The following DOCK2 variants were observed in gnomAD, a reference collection of about 807,000 sequenced individuals.
The protein encoded by DOCK2 is dedicator of cytokinesis 2, also known as dedicator of cytokinesis protein 2.
Under a neutral mutation model 248.9 loss-of-function variants are expected in DOCK2, and 87 were observed. The ratio of observed to expected loss-of-function variants is 0.35; its 90% confidence interval spans 0.29 to 0.42. DOCK2 has a LOEUF of 0.42. Among genes scored for constraint, DOCK2 ranks in the 10% least tolerant of loss-of-function variants. The probability of loss-of-function intolerance (pLI) is 1.00; values close to 1 mark genes in which losing one functional copy is unlikely to be tolerated. For missense variants in DOCK2, 1,747 were observed against 2,300.2 expected (o/e 0.76, Z 4.92); for synonymous variants, 805 against 821.6 (o/e 0.98, Z 0.35).
chr5:169,981,492 C>T (rs991659406), intron 27 of DOCK2, among the ~76,000 whole-genome samples: 1 of 152,184 alleles, frequency 6.6e-6, no homozygotes, highest in Non-Finnish European at 1.5e-5. Context: ...ATTCGGAAAT[C>T]CAAGCAATAT....
chr5:169,654,202 A>G (rs771317886), intron 1 of DOCK2, among the ~76,000 whole-genome samples: 42 of 152,248 alleles, frequency 2.8e-4, no homozygotes, highest in Non-Finnish European at 4.3e-4. Flanking sequence ...GGAAAGGTCA[A>G]CTTTGGTTAA....
intron 35 of DOCK2, among the ~76,000 whole-genome samples, chr5:170,036,086 A>G (rs951863348): frequency 2.6e-5 from 4 of 152,100 alleles, no homozygotes; most frequent in African/African-American, 9.7e-5. Context: ...ATCTCTTACT[A>G]TTACCGAGGT....
At chr5:169,681,543 G>A (rs868027508) in intron 6 of DOCK2, among the ~76,000 whole-genome samples, 1 of 151,684 alleles carries the variant, frequency 6.6e-6, no homozygotes. Context: ...AAAATTGAAT[G>A]CACACTACTA....
At chr5:169,715,329 C>A (rs1761837637) in intron 19 of DOCK2, among the ~76,000 whole-genome samples, 1 of 152,098 alleles carries the variant, frequency 6.6e-6, no homozygotes, top group Non-Finnish European at 1.5e-5. Context: ...TATATGGTAG[C>A]TCTGTGTTTT....
chr5:169,983,923 G>A (rs1454967585), intron 28 of DOCK2, among the ~76,000 whole-genome samples: 1 of 152,202 alleles, frequency 6.6e-6, no homozygotes, highest in Non-Finnish European at 1.5e-5. Flanking sequence ...CTCCCTTGGA[G>A]TAAGATTGGC....
At chr5:169,705,358 AGAAACCTCTGTTTTTCT>A (rs1462066460) in intron 14 of DOCK2, among the ~76,000 whole-genome samples, 1 of 152,172 alleles carries the variant, frequency 6.6e-6, no homozygotes, top group Non-Finnish European at 1.5e-5. Context: ...TGCTGGGCCA[AGAAACCTCTGTTTTTCT>A]GAGACCACCC....
chr5:169,895,099 C>T (rs1241281929), intron 27 of DOCK2, among the ~76,000 whole-genome samples: 1 of 152,160 alleles, frequency 6.6e-6, no homozygotes, highest in Non-Finnish European at 1.5e-5. Flanking sequence ...CTGTGAAGCC[C>T]CATCCACCTC....
At chr5:169,661,418 A>G (rs1027859951) in intron 2 of DOCK2, among the ~76,000 whole-genome samples, 1 of 152,326 alleles carries the variant, frequency 6.6e-6, no homozygotes, top group East Asian at 1.9e-4. Flanking sequence ...GACCATATCC[A>G]TCATCTCACA....
chr5:170,075,935 C>T lies in DOCK2; in HGVS notation c.4729-12C>T. 6.2e-7 allele frequency: 1 copy of T among 1,613,772 alleles called. No homozygotes were observed. Among genetic ancestry groups the T allele is most frequent in the Admixed American group, 1.7e-5 (1 of 60,012 alleles). The stretch of plus-strand genomic sequence containing the variant: ...TCAGCCTCTGGCTCATTCTTTACCA[C>T]TTTCTCTCCAGATCCCCTTCTTGGG... On this transcript the variant is annotated splice_polypyrimidine_tract_variant and intron_variant, in intron 46 of 51. Coordinates refer to ENST00000520908, the MANE Select transcript of DOCK2 (RefSeq NM_004946.3).
At chr5:169,697,686 C>T (rs1760713530) in intron 10 of DOCK2, among the ~76,000 whole-genome samples, 1 of 152,166 alleles carries the variant, frequency 6.6e-6, no homozygotes, top group African/African-American at 2.4e-5. Flanking sequence ...ATTACCCAAG[C>T]AATTTTAATG....
At chr5:169,741,086 A>G (rs1488405697) in intron 22 of DOCK2, among the ~76,000 whole-genome samples, 1 of 152,072 alleles carries the variant, frequency 6.6e-6, no homozygotes, top group Non-Finnish European at 1.5e-5. Context: ...CGGCCTCCCA[A>G]AGTGTTGGGA....
chr5:169,779,422 T>C (rs34953412), intron 25 of DOCK2: 19,438 of 152,444 alleles, frequency 0.13, 1,546 homozygotes, highest in Non-Finnish European at 0.18. Flanking sequence ...GTGCCTGTGG[T>C]TGGGGGGAGG....
chr5:169,958,796 C>T (rs1249759595), intron 27 of DOCK2, among the ~76,000 whole-genome samples: 1 of 152,104 alleles, frequency 6.6e-6, no homozygotes, highest in Non-Finnish European at 1.5e-5. Flanking sequence ...CCCAGTCACC[C>T]TCATAATTGG....
chr5:170,027,067 C>CT (rs60670134), intron 33 of DOCK2, among the ~76,000 whole-genome samples: 65,730 of 151,454 alleles, frequency 0.43, 14,880 homozygotes, highest in East Asian at 0.58. Context: ...CTCTGCTTGC[C>CT]CTGTATTGGT....
intron 26 of DOCK2, among the ~76,000 whole-genome samples, chr5:169,812,207 G>A (rs552393490): frequency 1.6e-4 from 24 of 152,154 alleles, no homozygotes; most frequent in Non-Finnish European, 3.1e-4. Flanking sequence ...CCTGAGCTCC[G>A]CCTCCTTCAG....
At chr5:170,045,956 G>C in intron 39 of DOCK2, 51 bp downstream of exon 39, 1 of 1,561,124 alleles carries the variant, frequency 6.4e-7, no homozygotes, top group Non-Finnish European at 8.8e-7. Context: ...GGTGCTCAGG[G>C]CCTCAGCTCA....
At chr5:169,994,318 G>C (rs1232140945) in intron 29 of DOCK2, among the ~76,000 whole-genome samples, 2 of 152,180 alleles carry the variant, frequency 1.3e-5, no homozygotes, top group Non-Finnish European at 2.9e-5. Flanking sequence ...TACCAAAGGA[G>C]AGAGATGTTA....
intron 36 of DOCK2, among the ~76,000 whole-genome samples, chr5:170,039,647 C>G (rs1756447460): frequency 6.6e-6 from 1 of 152,236 alleles, no homozygotes; most frequent in Non-Finnish European, 1.5e-5. Flanking sequence ...ACATTTGACC[C>G]ACTGACCCAT....
At chr5:169,703,602 T>C (rs1761097987) in intron 14 of DOCK2, among the ~76,000 whole-genome samples, 1 of 152,226 alleles carries the variant, frequency 6.6e-6, no homozygotes, top group Admixed American at 6.5e-5. Flanking sequence ...GGAAGATTCA[T>C]AATCGTTTTT....
Sources: allele counts gnomAD v4.1 joint callset (sites outside exome capture counted in the v4.1 genomes callset), GRCh38; gene constraint gnomAD v4.1.1; transcripts MANE v1.5; gene names NCBI Gene and HGNC (gene_info 2026-07-23, HGNC 2026-07-21).